The following SLC25A10 variants were observed in gnomAD, a reference collection of about 807,000 sequenced individuals.
The protein encoded by SLC25A10 is mitochondrial dicarboxylate carrier.
In SLC25A10, 32 loss-of-function variants were observed where a neutral mutation model predicts 40.4. The ratio of observed to expected loss-of-function variants is 0.79; its 90% CI spans 0.60 to 1.06. The LOEUF is 1.06. SLC25A10 is among the 50% of genes least tolerant of loss of function. SLC25A10 has a pLI of 0.00. For missense variants in SLC25A10, 394 were observed against 402.6 expected, an observed-to-expected ratio of 0.98 and a Z score of 0.18; for synonymous variants, 181 against 171.1, an observed-to-expected ratio of 1.06 and a Z score of -0.45.
At chr17:81,713,416 G>A (rs992705349) in intron 1 of SLC25A10, 6 of 984,880 alleles carry the variant, frequency 6.1e-6, no homozygotes, top group Non-Finnish European at 7.2e-6. Context: ...CTTTATTTTA[G>A]CAGCCTGTCC....
Position 81,712,465 on chromosome 17 carries a change from G to A in SLC25A10, c.39G>A (p.Gly13=). 7.6e-7 allele frequency: 1 copy of A among 1,308,564 alleles called. No homozygotes were observed. Among genetic ancestry groups the A allele is most frequent in the South Asian group, 2.3e-5 (1 of 44,444 alleles). The allele number at this position is 1,308,564 out of a possible 1,614,324, so 81.1% of individuals were successfully genotyped here. ...AEARVSRWYF[G]GLASCGAACC... is the part of the protein sequence containing the mutation. ...CGCGCGTGTCGCGCTGGTACTTCGG[G>A]GGGCTGGCCTCCTGCGGGGCCGCCT... The change falls in exon 1 of 11, where the codon GGG becomes GGA. Residue 13 remains glycine (G), a synonymous_variant. Coordinates refer to ENST00000350690, the MANE Select transcript of SLC25A10 (RefSeq NM_012140.5).
chr17:81,716,884 G>T, intron 6 of SLC25A10, 29 bp downstream of exon 6: 1 of 1,609,636 alleles, frequency 6.2e-7, no homozygotes, highest in African/African-American at 1.3e-5. Flanking sequence ...GCACAGGCAG[G>T]GTTCTGGGGG....
intron 1 of SLC25A10, among the ~76,000 whole-genome samples, chr17:81,714,536 A>G (rs547378427): frequency 6.6e-6 from 1 of 152,238 alleles, no homozygotes; most frequent in South Asian, 2.1e-4. Context: ...GCCGTTTCTG[A>G]GCGGCCATAA....
chr17:81,716,781 G>A (rs756603648), intron 5 of SLC25A10, 31 bp from the exon 6 acceptor site: 7 of 1,595,654 alleles, frequency 4.4e-6, no homozygotes, highest in Non-Finnish European at 6.0e-6. Flanking sequence ...GTCAGGGGGA[G>A]TCTCATGTGG....
rs1598214010 is a variant in SLC25A10, at chr17:81,717,771, G to T, written c.628-13G>T. 3 of 1,609,418 alleles carry T rather than the reference G, an allele frequency of 1.9e-6. No individual in the cohort carries two copies. The highest frequency in any genetic ancestry group is 2.5e-6 in the Non-Finnish European group (3 of 1,178,846). Reference sequence around the variant, plus strand: ...GTACCTGACAGGCCGCTGGTGACGAGCCCCCTCCTCAGGGTGGATGTGCCA... The same window carrying T: ...GTACCTGACAGGCCGCTGGTGACGATCCCCCTCCTCAGGGTGGATGTGCCA... On this transcript the variant is annotated splice_polypyrimidine_tract_variant and intron_variant, in intron 8 of 10. Coordinates refer to ENST00000350690, the MANE Select transcript of SLC25A10 (RefSeq NM_012140.5).
intron 1 of SLC25A10, among the ~76,000 whole-genome samples, chr17:81,714,235 C>A (rs1329051447): frequency 6.6e-6 from 1 of 152,202 alleles, no homozygotes; most frequent in Non-Finnish European, 1.5e-5. Flanking sequence ...GGATCCTGGG[C>A]CAGGTGCTGG....
intron 7 of SLC25A10, 56 bp from the exon 8 acceptor site, chr17:81,717,343 G>A: frequency 6.4e-7 from 1 of 1,556,976 alleles, no homozygotes. Flanking sequence ...GGCCCTGTGT[G>A]CTTTCCCCAA....
chr17:81,712,515 T>TC lies in SLC25A10; in HGVS notation c.90dup (p.Lys31GlnfsTer124), dbSNP rs1230628600. 1.6e-6 allele frequency: 2 copies of TC among 1,260,774 alleles called. No individual in the cohort carries two copies. Among genetic ancestry groups the TC allele is most frequent in the Non-Finnish European group, 2.0e-6 (2 of 1,002,670 alleles). 78.1% of individuals were successfully genotyped at this position (1,260,774 alleles called of 1,614,324 possible). On this transcript the variant is annotated frameshift_variant, in exon 1 of 11. Coordinates refer to ENST00000350690, the MANE Select transcript of SLC25A10 (RefSeq NM_012140.5). LOFTEE classifies it high-confidence loss of function. ...TGCTGCACGCACCCGCTGGACCTGC[T>TC]CAAGGTGAGGCCGGGGCCCGGGACG...
At chr17:81,716,896 C>T (rs1451229952) in intron 6 of SLC25A10, 41 bp downstream of exon 6, 1 of 1,606,154 alleles carries the variant, frequency 6.2e-7, no homozygotes, top group South Asian at 1.1e-5. Flanking sequence ...TTCTGGGGGG[C>T]AGGCAGGGTG....
chr17:81,717,862 G>C lies in SLC25A10; in HGVS notation c.705+1G>C. The C allele has an allele frequency of 2.5e-6, 4 of 1,605,478 alleles. No individual in the cohort carries two copies. The highest frequency in any genetic ancestry group is 3.4e-6 in the Non-Finnish European group (4 of 1,176,760). ...GATGAACTCCAAGGGGGAGTATCAG[G>C]TGAGTGGGGCCCTGCCTGTGCAGTT... On this transcript the variant is annotated splice_donor_variant, in intron 9 of 10. Coordinates refer to ENST00000350690, the MANE Select transcript of SLC25A10 (RefSeq NM_012140.5). LOFTEE classifies it high-confidence loss of function.
chr17:81,716,113 C>T (rs2037481669), intron 5 of SLC25A10, 63 bp downstream of exon 5: 1 of 1,519,008 alleles, frequency 6.6e-7, no homozygotes, highest in Non-Finnish European at 8.9e-7. Flanking sequence ...GGAGCGGACC[C>T]CTGGCTGCTC....
rs781437472 is a variant in SLC25A10 at position 81,714,943 on chromosome 17, A to G, written c.94-10A>G. 5.6e-5 allele frequency: 90 copies of G among 1,606,072 alleles called. No homozygotes were observed. The highest frequency in any genetic ancestry group is 1.0e-4 in the Admixed American group (6 of 59,944). On this transcript the variant is annotated splice_polypyrimidine_tract_variant and intron_variant, in intron 1 of 10. Coordinates refer to ENST00000350690, the MANE Select transcript of SLC25A10 (RefSeq NM_012140.5). ...GTCGCTGTGGGGTCTGAGAGCACTC[A>G]CTCCCGCAGGTGCATCTGCAGACGC...
chr17:81,715,983 C>A lies in SLC25A10; in HGVS notation c.378-26C>A, dbSNP rs542181722. The A allele has an allele frequency of 7.1e-5, 111 of 1,564,648 alleles. 1 individual carries two copies. The South Asian group carries it at 1.2e-3, about 17-fold the overall frequency. ...GCCCATGCCCCTCGGCCCGCCCGCCCCTCCCGCCACCTGCTTCTGTTTCAG... is the reference window on the plus strand; with the variant it reads ...GCCCATGCCCCTCGGCCCGCCCGCCACTCCCGCCACCTGCTTCTGTTTCAG... On this transcript the variant is annotated intron_variant, in intron 4 of 10. Coordinates refer to ENST00000350690, the MANE Select transcript of SLC25A10 (RefSeq NM_012140.5).
chr17:81,715,422 G>A (rs913420879), intron 2 of SLC25A10, 56 bp from the exon 3 acceptor site: 23 of 1,476,794 alleles, frequency 1.6e-5, no homozygotes, highest in South Asian at 8.0e-5. Context: ...GCCGGGTGGC[G>A]AGGCTGAGGG....
At position 81,712,534 on chromosome 17, in the gene SLC25A10, C is replaced by T; in HGVS notation, c.93+15C>T. On this transcript the variant is annotated intron_variant, in intron 1 of 10. Coordinates refer to ENST00000350690, the MANE Select transcript of SLC25A10 (RefSeq NM_012140.5). ...ACCTGCTCAAGGTGAGGCCGGGGCC[C>T]GGGACGCGGGGCGGATGGGACCCTG... 8.1e-7 allele frequency: 1 copy of T among 1,236,232 alleles called. No homozygotes were observed. Among genetic ancestry groups the T allele is most frequent in the African/African-American group, 1.6e-5 (1 of 64,080 alleles). 76.6% of individuals were successfully genotyped at this position (1,236,232 alleles called of 1,614,324 possible).
At position 81,717,828 on chromosome 17, in the gene SLC25A10, G is replaced by A. The variant is rs759821139; in HGVS notation, c.672G>A (p.Lys224=). The change falls in exon 9 of 11, where the codon AAG becomes AAA. Residue 224 remains lysine (K), a synonymous_variant. Transcript: ENST00000350690. ...TFLCQPLDVL[K]TRLMNSKGEY... ...TGTGCCAGCCCCTGGATGTGCTGAAGACTCGCCTGATGAACTCCAAGGGGG... is the reference window on the plus strand; with the variant it reads ...TGTGCCAGCCCCTGGATGTGCTGAAAACTCGCCTGATGAACTCCAAGGGGG... The A allele has an allele frequency of 3.7e-6, 6 of 1,611,804 alleles. No individual in the cohort carries two copies. Among genetic ancestry groups the A allele is most frequent in the East Asian group, 2.2e-5 (1 of 44,834 alleles).
At chr17:81,716,543 C>T in intron 5 of SLC25A10, 1 of 572,734 alleles carries the variant, frequency 1.7e-6, no homozygotes, top group Non-Finnish European at 3.1e-6. Flanking sequence ...ACCCCGGGGG[C>T]TGGCGGGCAG....
At chr17:81,715,144 G>A (rs555649001) in intron 2 of SLC25A10, 72 bp downstream of exon 2, 11 of 1,568,638 alleles carry the variant, frequency 7.0e-6, no homozygotes, top group African/African-American at 6.7e-5. Context: ...AGCTACTTCC[G>A]TCCCCTTTTC....
chr17:81,714,941 T>G lies in SLC25A10; in HGVS notation c.94-12T>G. Reference sequence around the variant, plus strand: ...GGGTCGCTGTGGGGTCTGAGAGCACTCACTCCCGCAGGTGCATCTGCAGAC... The same window carrying G: ...GGGTCGCTGTGGGGTCTGAGAGCACGCACTCCCGCAGGTGCATCTGCAGAC... On this transcript the variant is annotated splice_polypyrimidine_tract_variant and intron_variant, in intron 1 of 10. Transcript: ENST00000350690. 6.2e-7 allele frequency: 1 copy of G among 1,606,208 alleles called. No homozygotes were observed. The highest frequency in any genetic ancestry group is 8.5e-7 in the Non-Finnish European group (1 of 1,179,696).
Sources: allele counts gnomAD v4.1 joint callset (sites outside exome capture counted in the v4.1 genomes callset), GRCh38; gene constraint gnomAD v4.1.1; transcripts MANE v1.5; gene names NCBI Gene and HGNC (gene_info 2026-07-23, HGNC 2026-07-21).